The following PPP2R2B variants were observed in gnomAD, a reference collection of about 807,000 sequenced individuals.
The protein encoded by PPP2R2B is protein phosphatase 2 regulatory subunit Bbeta.
Under a neutral mutation model 46.0 loss-of-function variants are expected in PPP2R2B, and 5 were observed. That is an observed-to-expected ratio of 0.11 (90% CI 0.06 to 0.23). The LOEUF is 0.23. Among genes scored for constraint, PPP2R2B ranks in the 10% least tolerant of loss-of-function variants. The pLI is 1.00. For missense variants in PPP2R2B, 367 were observed against 575.0 expected, an observed-to-expected ratio of 0.64 and a Z score of 3.70; for synonymous variants, 215 against 206.7, an observed-to-expected ratio of 1.04 and a Z score of -0.34.
chr5:146,899,128 A>T (rs1293502553), intron 1 of PPP2R2B, among the ~76,000 whole-genome samples: 1 of 150,512 alleles, frequency 6.6e-6, no homozygotes, highest in Non-Finnish European at 1.5e-5. Flanking sequence ...TACTGGGTAT[A>T]TACCCAAAGG....
At chr5:146,678,696 T>C (rs1399794828) in intron 5 of PPP2R2B, among the ~76,000 whole-genome samples, 11 of 148,540 alleles carry the variant, frequency 7.4e-5, no homozygotes, top group Non-Finnish European at 1.3e-4. Flanking sequence ...TCAGCAAAGT[T>C]TCAGGACACA....
intron 7 of PPP2R2B, among the ~76,000 whole-genome samples, chr5:146,603,218 T>C (rs772701398): frequency 5.3e-5 from 8 of 152,214 alleles, no homozygotes; most frequent in Non-Finnish European, 1.2e-4. Flanking sequence ...TGGCCAGTCA[T>C]ATCTCATTCA....
chr5:146,919,301 G>A (rs1286941695), intron 1 of PPP2R2B: 2 of 152,110 alleles, frequency 1.3e-5, no homozygotes, highest in Non-Finnish European at 2.9e-5. Context: ...CAGGATTCAG[G>A]GAGGTGATCT....
rs556485995 is a variant in PPP2R2B, at chr5:146,609,732, G to A, written c.791-9272C>T. ...TTTCCGAGTCAAAGAAAGGGGTGAC[G>A]GACGCACCTGGAAAATCGGGTCACT... On this transcript the variant is annotated intron_variant, in intron 7 of 9. Transcript: ENST00000394411. Among the ~76,000 whole-genome samples the A allele has an allele frequency of 7.2e-3, 1,041 of 144,276 alleles. 19 individuals carry two copies. The highest frequency in any genetic ancestry group is 0.026 in the African/African-American group (978 of 37,688). The allele number at this position is 144,276 out of a possible 152,430, so 94.7% of individuals were successfully genotyped here. A position where few individuals can be genotyped will look rare whatever the true frequency, so the allele number is the denominator to read the frequency against.
chr5:147,001,320 A>G (rs1754160559), intron 1 of PPP2R2B, among the ~76,000 whole-genome samples: 1 of 152,184 alleles, frequency 6.6e-6, no homozygotes, highest in Admixed American at 6.5e-5. Flanking sequence ...TATGAGCTGT[A>G]ACACTCACTG....
chr5:147,062,467 T>A (rs951861374), intron 2 of PPP2R2B, among the ~76,000 whole-genome samples: 3 of 152,202 alleles, frequency 2.0e-5, no homozygotes, highest in Admixed American at 6.5e-5. Flanking sequence ...GAATATCTCA[T>A]TGAATCCTCC....
chr5:146,945,048 C>T (rs925350782), intron 1 of PPP2R2B, among the ~76,000 whole-genome samples: 7 of 152,152 alleles, frequency 4.6e-5, no homozygotes, highest in South Asian at 2.1e-4. Context: ...TTCTAGTATA[C>T]GTTAGCCATA....
intron 1 of PPP2R2B, among the ~76,000 whole-genome samples, chr5:147,010,592 G>A (rs1485678153): frequency 6.6e-6 from 1 of 152,248 alleles, no homozygotes; most frequent in Non-Finnish European, 1.5e-5. Context: ...AGAATCTAAT[G>A]TCTTTGCTGA....
At chr5:146,678,113 G>A (rs901224736) in intron 5 of PPP2R2B, among the ~76,000 whole-genome samples, 1 of 152,124 alleles carries the variant, frequency 6.6e-6, no homozygotes, top group Non-Finnish European at 1.5e-5. Flanking sequence ...TAACATGGTG[G>A]TTAAGAGAAC....
chr5:146,842,610 C>T (rs1486215747), intron 2 of PPP2R2B, among the ~76,000 whole-genome samples: 1 of 151,338 alleles, frequency 6.6e-6, no homozygotes, highest in Non-Finnish European at 1.5e-5. Context: ...AGCTTGGTAT[C>T]CATTCATTAT....
At chr5:146,828,770 G>T (rs1386689390) in intron 2 of PPP2R2B, among the ~76,000 whole-genome samples, 3 of 152,102 alleles carry the variant, frequency 2.0e-5, no homozygotes, top group East Asian at 1.9e-4. Context: ...GAATTCTTAG[G>T]TCTGGTTCTA....
intron 4 of PPP2R2B, among the ~76,000 whole-genome samples, chr5:146,692,357 A>G (rs890933232): frequency 6.6e-6 from 1 of 151,924 alleles, no homozygotes; most frequent in Non-Finnish European, 1.5e-5. Flanking sequence ...TTACAACTTG[A>G]TGACACCTGG....
At chr5:146,867,804 T>G (rs1287476988) in intron 2 of PPP2R2B, among the ~76,000 whole-genome samples, 1 of 152,220 alleles carries the variant, frequency 6.6e-6, no homozygotes, top group East Asian at 1.9e-4. Flanking sequence ...ACTATAGGCT[T>G]ATACTTCACC....
intron 1 of PPP2R2B, among the ~76,000 whole-genome samples, chr5:147,005,302 T>G (rs1164175329): frequency 6.6e-6 from 1 of 152,184 alleles, no homozygotes; most frequent in Non-Finnish European, 1.5e-5. Context: ...TAGTTAGTGA[T>G]GTAAACATAC....
chr5:146,873,749 T>C (rs532598778), intron 2 of PPP2R2B, among the ~76,000 whole-genome samples: 57 of 152,346 alleles, frequency 3.7e-4, no homozygotes, highest in African/African-American at 1.4e-3. Context: ...TAGCTGGGAT[T>C]ACAGGCATAC....
At chr5:146,951,053 A>C (rs1764636656) in intron 1 of PPP2R2B, among the ~76,000 whole-genome samples, 1 of 152,024 alleles carries the variant, frequency 6.6e-6, no homozygotes, top group African/African-American at 2.4e-5. Context: ...AGACCCAGGC[A>C]AATGGCCCTT....
chr5:146,703,462 C>T (rs1239723875), intron 2 of PPP2R2B, among the ~76,000 whole-genome samples: 1 of 152,076 alleles, frequency 6.6e-6, no homozygotes, highest in Non-Finnish European at 1.5e-5. Flanking sequence ...GTGATTAATG[C>T]AGAACACTAG....
At chr5:146,733,473 T>C (rs552403493) in intron 2 of PPP2R2B, among the ~76,000 whole-genome samples, 1 of 152,290 alleles carries the variant, frequency 6.6e-6, no homozygotes, top group Admixed American at 6.5e-5. Flanking sequence ...AATGAGTAAA[T>C]AGAAGACTAC....
intron 2 of PPP2R2B, among the ~76,000 whole-genome samples, chr5:146,809,890 TTAG>T (rs1561924687): frequency 1.4e-4 from 22 of 152,124 alleles, no homozygotes; most frequent in Non-Finnish European, 2.6e-4. Context: ...TGGCAGTGGC[TTAG>T]ACTCACATGG....
Sources: allele counts gnomAD v4.1 joint callset (sites outside exome capture counted in the v4.1 genomes callset), GRCh38; gene constraint gnomAD v4.1.1; transcripts MANE v1.5; gene names NCBI Gene and HGNC (gene_info 2026-07-23, HGNC 2026-07-21).